Variants in POPDC3 observed in about 807,000 individuals in gnomAD.
POPDC3 encodes popeye domain cAMP effector 3.
POPDC3 carries 20 observed loss-of-function variants against 28.2 expected under a neutral mutation model. That is an observed-to-expected ratio of 0.71 (90% CI 0.50 to 1.03). POPDC3 has a LOEUF of 1.03. Ranked by LOEUF, POPDC3 falls within the 50% of genes least tolerant of loss-of-function variation. POPDC3 has a pLI of 0.00. For synonymous variants in POPDC3, 118 were observed against 124.1 expected, an observed-to-expected ratio of 0.95 and a Z score of 0.33; for missense variants, 316 against 345.9, an observed-to-expected ratio of 0.91 and a Z score of 0.69.
At chr6:105,172,625 T>G (rs1774601403) in intron 1 of POPDC3, among the ~76,000 whole-genome samples, 1 of 150,696 alleles carries the variant, frequency 6.6e-6, no homozygotes, top group African/African-American at 2.5e-5. Context: ...AGCAAAGACT[T>G]GGAACCAACC....
At chr6:105,179,435 T>C (rs527253532) in intron 1 of POPDC3, among the ~76,000 whole-genome samples, 1 of 152,246 alleles carries the variant, frequency 6.6e-6, no homozygotes, top group African/African-American at 2.4e-5. Flanking sequence ...CTTGCAAAAC[T>C]GGCCTGTTTA....
chr6:105,171,652 CAGAG>C (rs1774579682), intron 1 of POPDC3, among the ~76,000 whole-genome samples: 1 of 151,712 alleles, frequency 6.6e-6, no homozygotes, highest in Admixed American at 6.6e-5. Context: ...GCCTGAGCGA[CAGAG>C]AAAGACTCTG....
chr6:105,167,766 T>C (rs1053762657), intron 1 of POPDC3, among the ~76,000 whole-genome samples: 1 of 136,952 alleles, frequency 7.3e-6, no homozygotes, highest in Non-Finnish European at 1.6e-5. Flanking sequence ...AAAAAAAAAG[T>C]AAAGAATATG....
chr6:105,168,363 C>T (rs1252764205), intron 1 of POPDC3, among the ~76,000 whole-genome samples: 1 of 152,200 alleles, frequency 6.6e-6, no homozygotes, highest in African/African-American at 2.4e-5. Flanking sequence ...CTTCATGTAC[C>T]ACTAATCTCT....
At chr6:105,175,912 G>C (rs1210334920) in intron 1 of POPDC3, among the ~76,000 whole-genome samples, 4 of 152,096 alleles carry the variant, frequency 2.6e-5, no homozygotes, top group African/African-American at 9.7e-5. Context: ...GGTAATGTAA[G>C]AGTGCCCAGT....
intron 1 of POPDC3, chr6:105,166,829 G>T (rs1774464877): frequency 3.1e-6 from 1 of 327,460 alleles, no homozygotes; most frequent in Non-Finnish European, 6.2e-6. Flanking sequence ...TTTCAGTTGG[G>T]TTACATATTC....
chr6:105,174,217 T>C (rs550655046), intron 1 of POPDC3, among the ~76,000 whole-genome samples: 13 of 152,316 alleles, frequency 8.5e-5, no homozygotes, highest in African/African-American at 2.6e-4. Context: ...TTTTGTATTT[T>C]TAGTAGAGAT....
Position 105,179,873 on chromosome 6 carries a change from C to G in POPDC3, c.-292G>C, listed in dbSNP as rs1774754588. ...CTGCCCGGAGCTTCAGCCCGGCGCC[C>G]GCAGAAGTTTCCCGGCGGAGCGCGC... On this transcript the variant is annotated 5_prime_UTR_variant, in exon 1 of 4. Coordinates refer to ENST00000254765, the MANE Select transcript of POPDC3 (RefSeq NM_022361.5). 1 of 152,108 alleles carries G rather than the reference C, an allele frequency of 6.6e-6. No homozygotes were observed. The highest frequency in any genetic ancestry group is 1.9e-4 in the East Asian group (1 of 5,146). 9.4% of individuals were successfully genotyped at this position (152,108 alleles called of 1,614,324 possible).
rs571104040 is a variant in POPDC3, at chr6:105,170,586, G to A, written c.-251-8426C>T. ...TCTTTTAGTAGAGAGAATGCCAGAT[G>A]TAGATATCACGCTTATTGTCTCAAC... On this transcript the variant is annotated intron_variant, in intron 1 of 3. Transcript: ENST00000254765. Among the ~76,000 whole-genome samples, 13 of 152,272 alleles carry A rather than the reference G, an allele frequency of 8.5e-5. No homozygotes were observed. The East Asian group carries it at 2.3e-3, about 27-fold the overall frequency.
intron 1 of POPDC3, among the ~76,000 whole-genome samples, chr6:105,174,699 C>G (rs9373786): frequency 0.68 from 102,686 of 152,088 alleles, 40,646 homozygotes; most frequent in East Asian, 0.88. Context: ...TGGAAAGAAA[C>G]ATGGGCATTT....
chr6:105,170,901 A>C (rs1388761560), intron 1 of POPDC3, among the ~76,000 whole-genome samples: 3 of 152,214 alleles, frequency 2.0e-5, no homozygotes, highest in Non-Finnish European at 4.4e-5. Flanking sequence ...AAAAAGGCCA[A>C]AAACTTGCTA....
intron 1 of POPDC3, among the ~76,000 whole-genome samples, chr6:105,177,981 T>A (rs1774711224): frequency 6.6e-6 from 1 of 152,212 alleles, no homozygotes; most frequent in South Asian, 2.1e-4. Flanking sequence ...TGTAAGACTT[T>A]TTCTTATAAC....
intron 1 of POPDC3, among the ~76,000 whole-genome samples, chr6:105,172,518 T>C (rs1190268): frequency 0.7 from 103,875 of 149,330 alleles, 42,840 homozygotes; most frequent in East Asian, 0.88. Context: ...CCATTTGACC[T>C]AGCCATCCCA....
At chr6:105,165,428 C>T (rs1018964958) in intron 1 of POPDC3, among the ~76,000 whole-genome samples, 1 of 152,160 alleles carries the variant, frequency 6.6e-6, no homozygotes, top group African/African-American at 2.4e-5. Flanking sequence ...GCAGCAGGGG[C>T]AAAGACAAAT....
chr6:105,179,555 G>T (rs1167990584), intron 1 of POPDC3, among the ~76,000 whole-genome samples: 1 of 152,204 alleles, frequency 6.6e-6, no homozygotes, highest in Non-Finnish European at 1.5e-5. Context: ...TCAGGGGTCG[G>T]CGCGGATAGG....
At chr6:105,177,841 G>C (rs1774709354) in intron 1 of POPDC3, among the ~76,000 whole-genome samples, 1 of 152,172 alleles carries the variant, frequency 6.6e-6, no homozygotes, top group Non-Finnish European at 1.5e-5. Context: ...AGAAAGTCTC[G>C]CTAAAAGTCT....
At chr6:105,160,033 G>A in intron 2 of POPDC3, 1 of 343,210 alleles carries the variant, frequency 2.9e-6, no homozygotes, top group Non-Finnish European at 5.3e-6. Flanking sequence ...TCAGGATTCT[G>A]GAATATTGAG....
intron 1 of POPDC3, chr6:105,166,649 T>C (rs1163487305): frequency 2.1e-6 from 1 of 471,134 alleles, no homozygotes; most frequent in South Asian, 1.5e-5. Context: ...GGGATGAAGC[T>C]TGTGGAAATT....
Position 105,158,519 on chromosome 6 carries a change from G to C in POPDC3, c.827C>G (p.Ser276Ter), listed in dbSNP as rs747767403. 3 of 1,613,992 alleles carry C rather than the reference G, an allele frequency of 1.9e-6. No individual in the cohort carries two copies. The highest frequency in any genetic ancestry group is 3.3e-5 in the Admixed American group (2 of 60,018). ...YQMSTPEIRR[S>*]PLTQHFQNSR... ...ATTCTGAAAATGTTGTGTCAGGGGT[G>C]ATCTGCGTATTTCTGGAGTTGACAT... Residue 276 changes from serine (S) to a stop codon, truncating the protein, a stop_gained, in exon 4 of 4, where the codon TCA (serine) becomes TGA (stop). Coordinates refer to ENST00000254765, the MANE Select transcript of POPDC3 (RefSeq NM_022361.5). LOFTEE classifies it high-confidence loss of function.
Sources: allele counts gnomAD v4.1 joint callset (sites outside exome capture counted in the v4.1 genomes callset), GRCh38; gene constraint gnomAD v4.1.1; transcripts MANE v1.5; gene names NCBI Gene and HGNC (gene_info 2026-07-23, HGNC 2026-07-21).